ADA: variants seen among roughly 807,000 people sequenced by gnomAD.
ADA encodes the protein adenosine deaminase, also known as adenosine aminohydrolase.
A neutral mutation model predicts 49.0 loss-of-function variants in ADA; 45 were observed. The observed-to-expected ratio is 0.92, with a 90% CI of 0.72 to 1.18. ADA has a LOEUF of 1.18. Ranked by LOEUF, ADA falls within the 50% of genes most tolerant of loss-of-function variation. The pLI is 0.00. For synonymous variants in ADA, 173 were observed against 184.2 expected (o/e 0.94, Z 0.49); for missense variants, 445 against 472.5 (o/e 0.94, Z 0.54).
At chr20:44,624,544 G>A (rs544820387) in intron 5 of ADA, among the ~76,000 whole-genome samples, 2 of 152,334 alleles carry the variant, frequency 1.3e-5, no homozygotes, top group African/African-American at 4.8e-5. Context: ...AAAGAACCCT[G>A]CCAGCTATTG....
rs1188143926 is a variant in ADA at position 44,619,721 on chromosome 20, GTAAC to G, written c.*109_*112del. ...GGACACATAGGGTTCAGGAGCATCA[GTAAC>G]TGACTATTGAGATCATGGTCTTCTT... On this transcript the variant is annotated 3_prime_UTR_variant, in exon 12 of 12. Transcript: ENST00000372874. 40 of 1,407,338 alleles carry G rather than the reference GTAAC, an allele frequency of 2.8e-5. No individual in the cohort carries two copies. Among genetic ancestry groups the G allele is most frequent in the Non-Finnish European group, 4.0e-5 (40 of 994,128 alleles). The allele number at this position is 1,407,338 out of a possible 1,614,324, so 87.2% of individuals were successfully genotyped here.
chr20:44,627,923 C>T (rs547987672), intron 3 of ADA, among the ~76,000 whole-genome samples: 3 of 152,140 alleles, frequency 2.0e-5, no homozygotes, highest in Non-Finnish European at 4.4e-5. Flanking sequence ...CTTCATAAAC[C>T]CCACCCGGGT....
chr20:44,631,291 C>T (rs1212338658), intron 2 of ADA, among the ~76,000 whole-genome samples: 1 of 152,118 alleles, frequency 6.6e-6, no homozygotes, highest in Non-Finnish European at 1.5e-5. Flanking sequence ...TGCTCCTTAC[C>T]AGCCCCTAAT....
intron 9 of ADA, among the ~76,000 whole-genome samples, chr20:44,621,571 G>A (rs1600917469): frequency 1.3e-5 from 2 of 152,294 alleles, no homozygotes; most frequent in East Asian, 1.9e-4. Context: ...TTCTTGGCAC[G>A]ATCCCTGACC....
Position 44,620,367 on chromosome 20 carries a change from T to C in ADA, c.1010A>G (p.Glu337Gly), listed in dbSNP as rs1262270901. 6.2e-7 allele frequency: 1 copy of C among 1,614,200 alleles called. No homozygotes were observed. Residue 337 changes from glutamate to glycine, a missense_variant, in exon 11 of 12, where the codon GAA becomes GGA. By Grantham distance (98) the Glu-to-Gly change is moderately conservative. Coordinates refer to ENST00000372874, the MANE Select transcript of ADA (RefSeq NM_000022.4). ...INAAKSSFLP[E>G]DEKRELLDLL... ...GTCGAGAAGCTCCCTCTTTTCATCT[T>C]CTGGGAGGAAACTAGATTTGGCCGC...
intron 4 of ADA, chr20:44,626,242 T>C (rs922498951): frequency 1.5e-6 from 1 of 685,082 alleles, no homozygotes; most frequent in African/African-American, 1.8e-5. Context: ...GCCAAACACT[T>C]GTGCCCAAGG....
chr20:44,650,521 G>C (rs1443887377), intron 1 of ADA, among the ~76,000 whole-genome samples: 1 of 152,074 alleles, frequency 6.6e-6, no homozygotes, highest in Non-Finnish European at 1.5e-5. Flanking sequence ...TCAACCTCCT[G>C]GGCTCAAGCG....
chr20:44,650,158 C>A (rs150452162), intron 1 of ADA, among the ~76,000 whole-genome samples: 118 of 152,348 alleles, frequency 7.7e-4, no homozygotes, highest in African/African-American at 2.7e-3. Context: ...CAATCATGGG[C>A]CCCAGCTCCA....
intron 3 of ADA, among the ~76,000 whole-genome samples, chr20:44,627,673 C>T (rs1568846659): frequency 1.3e-5 from 2 of 152,194 alleles, no homozygotes. Context: ...CAGCTGAGGA[C>T]CATGCCTAGG....
rs977295630 is a variant in ADA, at chr20:44,620,700, G to C, written c.976-299C>G. Reference sequence around the variant, plus strand: ...ACACGTGCAGGAATGGACTTATTCAGCCTGGGATTTAAGAACAACCTGAAG... The same window carrying C: ...ACACGTGCAGGAATGGACTTATTCACCCTGGGATTTAAGAACAACCTGAAG... On this transcript the variant is annotated intron_variant, in intron 10 of 11. Transcript: ENST00000372874. The C allele has an allele frequency of 1.2e-5, 7 of 560,566 alleles. No homozygotes were observed. In the Admixed American group the frequency reaches 1.8e-4, roughly 14 times the overall value. The allele number at this position is 560,566 out of a possible 1,614,324, so 34.7% of individuals were successfully genotyped here.
At chr20:44,651,549 T>A in intron 1 of ADA, 26 bp downstream of exon 1, 1 of 1,528,784 alleles carries the variant, frequency 6.5e-7, no homozygotes. Context: ...CGGACCCCCG[T>A]CCCCGGAGCC....
intron 1 of ADA, among the ~76,000 whole-genome samples, chr20:44,644,863 G>A (rs984753363): frequency 6.6e-6 from 1 of 152,228 alleles, no homozygotes; most frequent in African/African-American, 2.4e-5. Flanking sequence ...CAGAAGGCAA[G>A]ATGTGTCTTC....
chr20:44,629,751 T>C (rs1025966914), intron 2 of ADA, among the ~76,000 whole-genome samples: 1 of 151,864 alleles, frequency 6.6e-6, no homozygotes, highest in Non-Finnish European at 1.5e-5. Context: ...AGCTCAGACC[T>C]CTCTCCCCTC....
intron 1 of ADA, among the ~76,000 whole-genome samples, chr20:44,636,713 A>G (rs2065484270): frequency 6.6e-6 from 1 of 152,218 alleles, no homozygotes; most frequent in African/African-American, 2.4e-5. Context: ...GCTCTCAGCC[A>G]ACTAAATAAA....
intron 3 of ADA, 63 bp from the exon 4 acceptor site, chr20:44,626,662 A>T: frequency 6.2e-7 from 1 of 1,601,844 alleles, no homozygotes; most frequent in Non-Finnish European, 8.5e-7. Flanking sequence ...CTCCAGGAGC[A>T]AATGACATCC....
intron 1 of ADA, among the ~76,000 whole-genome samples, chr20:44,644,994 T>C (rs2057637): frequency 0.87 from 132,977 of 152,236 alleles, 58,664 homozygotes; most frequent in East Asian, 1. Context: ...GTCTAATGCA[T>C]ACCACAGCCA....
chr20:44,642,101 C>T (rs1362714669), intron 1 of ADA, among the ~76,000 whole-genome samples: 1 of 152,128 alleles, frequency 6.6e-6, no homozygotes, highest in African/African-American at 2.4e-5. Context: ...TTCAAGAGCC[C>T]ACCTCCCAGC....
intron 1 of ADA, among the ~76,000 whole-genome samples, chr20:44,642,670 G>A (rs1182300851): frequency 6.6e-6 from 1 of 152,192 alleles, no homozygotes; most frequent in Admixed American, 6.5e-5. Context: ...TTAAATCGGA[G>A]AGTCCCCTTT....
In ADA at chr20:44,619,853, C is replaced by T. The variant is rs367991521; in HGVS notation, c.1079-6G>A. The T allele has an allele frequency of 9.9e-6, 16 of 1,613,988 alleles. No individual in the cohort carries two copies. The highest frequency in any genetic ancestry group is 9.3e-5 in the African/African-American group (7 of 74,910). ...GCGTCTTCAGAGGTTCTGCCCTGCT[C>T]GTTGGTTCAGAGAAGCAAAAAGATC... On this transcript the variant is annotated splice_polypyrimidine_tract_variant and splice_region_variant and intron_variant, in intron 11 of 11. Transcript: ENST00000372874.
Sources: gnomAD v4.1 joint callset for allele counts (sites outside exome capture counted in the v4.1 genomes callset) on GRCh38, gnomAD v4.1.1 for gene constraint, MANE v1.5 for transcripts, NCBI Gene and HGNC (gene_info 2026-07-23, HGNC 2026-07-21) for gene names.